DLAT: variants seen among roughly 807,000 people sequenced by gnomAD.
DLAT encodes the protein dihydrolipoamide S-acetyltransferase.
Under a neutral mutation model 68.0 loss-of-function variants are expected in DLAT, and 43 were observed. The ratio of observed to expected loss-of-function variants is 0.63; its 90% CI spans 0.50 to 0.81. The LOEUF (loss-of-function observed/expected upper bound fraction) is 0.81, where lower values mean the gene tolerates loss of function less well. Ranked by LOEUF, DLAT falls within the 40% of genes least tolerant of loss-of-function variation. The probability of loss-of-function intolerance (pLI) is 0.00; values close to 1 mark genes in which losing one functional copy is unlikely to be tolerated. For missense variants in DLAT, 745 were observed against 815.4 expected, an observed-to-expected ratio of 0.91 and a Z score of 1.05; for synonymous variants, 265 against 288.6, an observed-to-expected ratio of 0.92 and a Z score of 0.83.
Position 112,028,824 on chromosome 11 carries a change from C to A in DLAT, c.539C>A (p.Thr180Lys), listed in dbSNP as rs140241473. 2 of 1,614,122 alleles carry A rather than the reference C, an allele frequency of 1.2e-6. No individual in the cohort carries two copies. The highest frequency in any genetic ancestry group is 1.7e-6 in the Non-Finnish European group (2 of 1,180,010). Residue 180 changes from threonine to lysine, a missense_variant, in exon 4 of 14, where the codon ACA becomes AAA. By Grantham distance (78) the Thr-to-Lys change is moderately conservative (BLOSUM62 -1). Coordinates refer to ENST00000280346, the MANE Select transcript of DLAT (RefSeq NM_001931.5). ...PEDIEAFKNY[T>K]LDSSAAPTPQ... ...GATATTGAGGCCTTTAAAAATTATACACTGGATTCCTCAGCAGCACCTACC... is the reference window on the plus strand; with the variant it reads ...GATATTGAGGCCTTTAAAAATTATAAACTGGATTCCTCAGCAGCACCTACC...
intron 5 of DLAT, among the ~76,000 whole-genome samples, chr11:112,033,740 C>T (rs1037282178): frequency 1.4e-4 from 22 of 152,174 alleles, no homozygotes; most frequent in African/African-American, 5.1e-4. Context: ...ATTTTTCAGA[C>T]AGGGTCTTAA....
chr11:112,039,203 G>A (rs2137762910), intron 6 of DLAT, 41 bp from the exon 7 acceptor site: 1 of 1,609,480 alleles, frequency 6.2e-7, no homozygotes, highest in East Asian at 2.2e-5. Context: ...ACCAGTCTTT[G>A]AAGTGGTGAA....
intron 8 of DLAT, among the ~76,000 whole-genome samples, chr11:112,043,957 G>A (rs587726250): frequency 1.3e-5 from 2 of 152,116 alleles, no homozygotes; most frequent in African/African-American, 2.4e-5. Context: ...TTTTTGATTT[G>A]CCTTTGGTTG....
intron 5 of DLAT, among the ~76,000 whole-genome samples, chr11:112,035,503 T>G (rs1862659374): frequency 6.6e-6 from 1 of 151,222 alleles, no homozygotes; most frequent in Non-Finnish European, 1.5e-5. Flanking sequence ...TTTTTTTTTT[T>G]TTGGAAACAG....
intron 2 of DLAT, among the ~76,000 whole-genome samples, chr11:112,026,793 C>T (rs587674248): frequency 0.016 from 2,509 of 152,314 alleles, 40 homozygotes; most frequent in Non-Finnish European, 0.024. Flanking sequence ...ACAAAACCGC[C>T]ATTGTCATCA....
chr11:112,062,471 T>G lies in DLAT; in HGVS notation c.1880T>G (p.Val627Gly). The change falls in exon 14 of 14, where the codon GTT becomes GGT. Residue 627 changes from valine to glycine, a missense_variant. Coordinates refer to ENST00000280346, the MANE Select transcript of DLAT (RefSeq NM_001931.5). Reference protein sequence around the residue: ...SCDHRVVDGAVGAQWLAEFRK... With the variant: ...SCDHRVVDGAGGAQWLAEFRK... The stretch of plus-strand genomic sequence containing the variant: ...GATCACCGGGTGGTGGATGGAGCAG[T>G]TGGAGCCCAGTGGCTTGCTGAGTTT... 1 of 1,612,804 alleles carries G rather than the reference T, an allele frequency of 6.2e-7. No individual in the cohort carries two copies. Among genetic ancestry groups the G allele is most frequent in the South Asian group, 1.1e-5 (1 of 91,016 alleles).
intron 2 of DLAT, 102 bp downstream of exon 2, chr11:112,026,401 A>G (rs1862015656): frequency 3.5e-6 from 2 of 566,042 alleles, no homozygotes; most frequent in African/African-American, 2.0e-5. Context: ...ATAGGACAAT[A>G]GTGGAGGGAA....
intron 9 of DLAT, 38 bp from the exon 10 acceptor site, chr11:112,045,825 C>G (rs1278197075): frequency 2.2e-6 from 3 of 1,363,312 alleles, no homozygotes; most frequent in Non-Finnish European, 3.1e-6. Context: ...AAGGTCTTAA[C>G]TCAAGATAAT....
chr11:112,056,692 G>A (rs1864110975), intron 11 of DLAT, among the ~76,000 whole-genome samples: 2 of 152,194 alleles, frequency 1.3e-5, no homozygotes, highest in South Asian at 4.1e-4. Context: ...AGATTCCTAG[G>A]AGTGGAATAC....
rs781961625 is a variant in DLAT, at chr11:112,045,133, C to T, written c.1198-5C>T. On this transcript the variant is annotated splice_polypyrimidine_tract_variant and splice_region_variant and intron_variant, in intron 8 of 13. Coordinates refer to ENST00000280346, the MANE Select transcript of DLAT (RefSeq NM_001931.5). ...TTACTAAGAGCTTTTTCTTTCCTCC[C>T]ATAGGCTCCGGCAGCTGTTGTGCCT... 1.2e-5 allele frequency: 19 copies of T among 1,613,142 alleles called. No individual in the cohort carries two copies. Among genetic ancestry groups the T allele is most frequent in the Non-Finnish European group, 1.5e-5 (18 of 1,179,362 alleles).
chr11:112,037,409 A>G lies in DLAT; in HGVS notation c.924A>G (p.Pro308=). 6.2e-7 allele frequency: 1 copy of G among 1,614,250 alleles called. No homozygotes were observed. Among genetic ancestry groups the G allele is most frequent in the Non-Finnish European group, 8.5e-7 (1 of 1,180,044 alleles). Reference sequence around the variant, plus strand: ...TATCAGCATTTGCTGACTATAGGCCAACCGAAGTAACAGATTTAAAACCAC... The same window carrying G: ...TATCAGCATTTGCTGACTATAGGCCGACCGAAGTAACAGATTTAAAACCAC... ...ADISAFADYR[P]TEVTDLKPQV... The change falls in exon 6 of 14, where the codon CCA becomes CCG. Residue 308 remains proline (P), a synonymous_variant. Coordinates refer to ENST00000280346, the MANE Select transcript of DLAT (RefSeq NM_001931.5).
At chr11:112,058,039 T>G (rs1365175979) in intron 11 of DLAT, among the ~76,000 whole-genome samples, 1 of 152,224 alleles carries the variant, frequency 6.6e-6, no homozygotes, top group East Asian at 1.9e-4. Flanking sequence ...AATATTATTT[T>G]GGTGGTCTGG....
At chr11:112,032,195 C>T (rs1862447657) in intron 4 of DLAT, among the ~76,000 whole-genome samples, 1 of 151,086 alleles carries the variant, frequency 6.6e-6, no homozygotes, top group African/African-American at 2.4e-5. Context: ...GCCTGGCCTC[C>T]TGTTTTATTT....
chr11:112,060,680 G>A (rs1864543066), intron 12 of DLAT, among the ~76,000 whole-genome samples: 2 of 151,962 alleles, frequency 1.3e-5, no homozygotes, highest in Non-Finnish European at 2.9e-5. Context: ...TGGCCAGGCT[G>A]GTTTCAAACT....
At chr11:112,044,823 A>G (rs1233174168) in intron 8 of DLAT, among the ~76,000 whole-genome samples, 1 of 152,106 alleles carries the variant, frequency 6.6e-6, no homozygotes, top group African/African-American at 2.4e-5. Flanking sequence ...ACTTGAGCCC[A>G]GGCATTTGAG....
At chr11:112,040,617 G>A (rs1863003521) in intron 7 of DLAT, among the ~76,000 whole-genome samples, 1 of 152,124 alleles carries the variant, frequency 6.6e-6, no homozygotes, top group Non-Finnish European at 1.5e-5. Context: ...CCAATCCCAA[G>A]ACACAAGAGT....
chr11:112,064,265 G>A lies in DLAT; in HGVS notation c.*1730G>A. On this transcript the variant is annotated 3_prime_UTR_variant, in exon 14 of 14. Transcript: ENST00000280346. Reference sequence around the variant, plus strand: ...CAGTTGCCTTCTAATAAACATTGTTGAGTTAAAAATTAATCTGAGCTATAA... The same window carrying A: ...CAGTTGCCTTCTAATAAACATTGTTAAGTTAAAAATTAATCTGAGCTATAA... 1 of 1,484,438 alleles carries A rather than the reference G, an allele frequency of 6.7e-7. No homozygotes were observed. Among genetic ancestry groups the A allele is most frequent in the Non-Finnish European group, 9.0e-7 (1 of 1,106,544 alleles). 92.0% of individuals were successfully genotyped at this position (1,484,438 alleles called of 1,614,324 possible).
chr11:112,043,126 T>G (rs1863131714), intron 7 of DLAT, among the ~76,000 whole-genome samples: 3 of 152,230 alleles, frequency 2.0e-5, no homozygotes, highest in Non-Finnish European at 4.4e-5. Context: ...GCATTATCCT[T>G]ATGCCACATT....
chr11:112,035,181 C>T (rs116404795), intron 5 of DLAT, among the ~76,000 whole-genome samples: 211 of 152,256 alleles, frequency 1.4e-3, no homozygotes, highest in African/African-American at 5.0e-3. Flanking sequence ...TCTTCAAATC[C>T]CATCATTCCT....
Sources: gnomAD v4.1 joint callset for allele counts (sites outside exome capture counted in the v4.1 genomes callset) on GRCh38, gnomAD v4.1.1 for gene constraint, MANE v1.5 for transcripts, NCBI Gene and HGNC (gene_info 2026-07-23, HGNC 2026-07-21) for gene names.